ARHGAP15: variants seen among roughly 807,000 people sequenced by gnomAD.
ARHGAP15 encodes Rho GTPase activating protein 15, also known as rho GTPase-activating protein 15.
ARHGAP15 carries 51 observed loss-of-function variants against 63.7 expected under a neutral mutation model. The ratio of observed to expected loss-of-function variants is 0.80; its 90% CI spans 0.64 to 1.01. The LOEUF is 1.01. Ranked by LOEUF, ARHGAP15 falls within the 50% of genes least tolerant of loss-of-function variation. ARHGAP15 has a pLI of 0.00. For missense variants in ARHGAP15, 560 were observed against 564.6 expected, an observed-to-expected ratio of 0.99 and a Z score of 0.08; for synonymous variants, 191 against 193.8, an observed-to-expected ratio of 0.99 and a Z score of 0.12.
At chr2:143,153,780 T>A (rs543304837) in intron 1 of ARHGAP15, among the ~76,000 whole-genome samples, 1,692 of 27,036 alleles carry the variant, frequency 0.063, 32 homozygotes, top group African/African-American at 0.21. Flanking sequence ...ATAATAAATC[T>A]TCTTCTTCTT....
chr2:143,586,677 A>T (rs975785959), intron 11 of ARHGAP15, among the ~76,000 whole-genome samples: 7 of 150,286 alleles, frequency 4.7e-5, no homozygotes, highest in Non-Finnish European at 7.4e-5. Context: ...ATATGTAAAT[A>T]TTTTTTTTTT....
At chr2:143,550,996 TAACTC>T (rs1695537836) in intron 10 of ARHGAP15, among the ~76,000 whole-genome samples, 1 of 152,226 alleles carries the variant, frequency 6.6e-6, no homozygotes, top group African/African-American at 2.4e-5. Context: ...ATAGGCAAAT[TAACTC>T]AATGAAGAGA....
intron 12 of ARHGAP15, among the ~76,000 whole-genome samples, chr2:143,685,778 G>A (rs1476282892): frequency 1.3e-5 from 2 of 152,132 alleles, no homozygotes; most frequent in Non-Finnish European, 2.9e-5. Context: ...TTTTCTTAAA[G>A]CCCACTTAAT....
chr2:143,285,816 C>A (rs953828796), intron 6 of ARHGAP15, among the ~76,000 whole-genome samples: 20 of 152,132 alleles, frequency 1.3e-4, no homozygotes, highest in African/African-American at 4.8e-4. Flanking sequence ...ATCATTCTTG[C>A]CAGTCCTAAT....
intron 6 of ARHGAP15, among the ~76,000 whole-genome samples, chr2:143,345,685 A>G (rs574395437): frequency 2.6e-5 from 4 of 152,230 alleles, no homozygotes; most frequent in African/African-American, 7.2e-5. Context: ...GCAAAAATTT[A>G]TAATTGTTAT....
At chr2:143,142,665 C>T (rs1356754159) in intron 1 of ARHGAP15, among the ~76,000 whole-genome samples, 1 of 152,026 alleles carries the variant, frequency 6.6e-6, no homozygotes, top group Non-Finnish European at 1.5e-5. Flanking sequence ...GGTTTGCATA[C>T]CTTGTGTTGT....
At chr2:143,728,084 C>T (rs1273089118) in intron 13 of ARHGAP15, among the ~76,000 whole-genome samples, 2 of 152,180 alleles carry the variant, frequency 1.3e-5, no homozygotes, top group Non-Finnish European at 2.9e-5. Flanking sequence ...ACACACCAGG[C>T]GGCTTAAAAA....
chr2:143,750,416 A>G (rs1686329196), intron 13 of ARHGAP15, among the ~76,000 whole-genome samples: 1 of 152,210 alleles, frequency 6.6e-6, no homozygotes. Flanking sequence ...ACTCCGGCAC[A>G]GGCAGCAAAA....
At chr2:143,456,384 T>G (rs1469440130) in intron 8 of ARHGAP15, among the ~76,000 whole-genome samples, 4 of 152,060 alleles carry the variant, frequency 2.6e-5, no homozygotes, top group Non-Finnish European at 5.9e-5. Flanking sequence ...AATGAAATCA[T>G]TTTGAATTTT....
At chr2:143,183,520 T>C (rs1691318800) in intron 2 of ARHGAP15, among the ~76,000 whole-genome samples, 1 of 152,072 alleles carries the variant, frequency 6.6e-6, no homozygotes, top group Non-Finnish European at 1.5e-5. Context: ...TTCAAACATA[T>C]CTTTTAAAAA....
At chr2:143,574,591 C>T (rs1200187196) in intron 11 of ARHGAP15, among the ~76,000 whole-genome samples, 3 of 152,028 alleles carry the variant, frequency 2.0e-5, no homozygotes, top group Admixed American at 1.3e-4. Flanking sequence ...TGTTCGAATC[C>T]TCTCTATTGA....
At chr2:143,256,620 C>A (rs1680441256) in intron 6 of ARHGAP15, among the ~76,000 whole-genome samples, 1 of 152,002 alleles carries the variant, frequency 6.6e-6, no homozygotes, top group African/African-American at 2.4e-5. Context: ...ACAATAGTGA[C>A]ACTTATTACT....
intron 6 of ARHGAP15, among the ~76,000 whole-genome samples, chr2:143,279,277 C>T (rs1403116812): frequency 1.3e-5 from 2 of 152,104 alleles, no homozygotes; most frequent in Non-Finnish European, 2.9e-5. Flanking sequence ...TCATGTGAGA[C>T]CCTTCTCATT....
At chr2:143,679,683 G>A (rs1364797961) in intron 12 of ARHGAP15, among the ~76,000 whole-genome samples, 1 of 148,190 alleles carries the variant, frequency 6.7e-6, no homozygotes, top group Non-Finnish European at 1.5e-5. Flanking sequence ...GTGTGTGTGT[G>A]TATGTGTGTG....
intron 6 of ARHGAP15, among the ~76,000 whole-genome samples, chr2:143,269,247 A>G (rs772622623): frequency 6.6e-6 from 1 of 152,162 alleles, no homozygotes; most frequent in Non-Finnish European, 1.5e-5. Flanking sequence ...GGTCAGAGAT[A>G]AAGATATAGA....
chr2:143,581,247 A>AT (rs57029668), intron 11 of ARHGAP15, among the ~76,000 whole-genome samples: 151,237 of 151,720 alleles, frequency 1, 75,380 homozygotes, highest in Middle Eastern at 1. Context: ...GAGAAGCTGC[A>AT]TTTTTTTTAT....
intron 2 of ARHGAP15, among the ~76,000 whole-genome samples, chr2:143,157,790 C>T (rs927648754): frequency 2.8e-4 from 43 of 151,742 alleles, no homozygotes; most frequent in Non-Finnish European, 7.4e-5. Context: ...TTTATTCAAA[C>T]AAGCCTGTTA....
chr2:143,635,312 G>A (rs1292022966), intron 12 of ARHGAP15, among the ~76,000 whole-genome samples: 7 of 134,872 alleles, frequency 5.2e-5, no homozygotes, highest in African/African-American at 2.8e-5. Context: ...CTCAGCCCCC[G>A]AAAGTGCTGA....
chr2:143,267,365 C>T (rs1055108668), intron 6 of ARHGAP15, among the ~76,000 whole-genome samples: 3 of 152,158 alleles, frequency 2.0e-5, no homozygotes, highest in African/African-American at 7.2e-5. Context: ...AACCATTCAG[C>T]TCCTTTGATA....
Sources: allele counts gnomAD v4.1 joint callset (sites outside exome capture counted in the v4.1 genomes callset), GRCh38; gene constraint gnomAD v4.1.1; transcripts MANE v1.5; gene names NCBI Gene and HGNC (gene_info 2026-07-23, HGNC 2026-07-21).